The following ZNF638 variants were observed in gnomAD, a reference collection of about 807,000 sequenced individuals.
ZNF638 encodes zinc finger protein 638.
ZNF638 carries 46 observed loss-of-function variants against 195.6 expected under a neutral mutation model. The observed-to-expected ratio is 0.24, with a 90% CI of 0.19 to 0.30. ZNF638 has a LOEUF of 0.30. ZNF638 is among the 10% of genes least tolerant of loss of function. ZNF638 has a pLI of 1.00. For synonymous variants in ZNF638, 845 were observed against 772.0 expected, an observed-to-expected ratio of 1.09 and a Z score of -1.57; for missense variants, 2,440 against 2,325.3, an observed-to-expected ratio of 1.05 and a Z score of -1.01.
intron 22 of ZNF638, among the ~76,000 whole-genome samples, chr2:71,424,291 TAAAA>T (rs76683427): frequency 1.4e-5 from 2 of 138,014 alleles, no homozygotes; most frequent in South Asian, 2.3e-4. Context: ...AACTGTGGTT[TAAAA>T]AAAAAAAAAA....
At chr2:71,333,650 T>C (rs1450068036) in intron 1 of ZNF638, among the ~76,000 whole-genome samples, 1 of 152,214 alleles carries the variant, frequency 6.6e-6, no homozygotes, top group East Asian at 1.9e-4. Context: ...ACAAGTAGTT[T>C]AGTGGAAAGA....
intron 8 of ZNF638, among the ~76,000 whole-genome samples, chr2:71,371,982 G>A (rs2079322156): frequency 6.6e-6 from 1 of 152,128 alleles, no homozygotes; most frequent in Admixed American, 6.5e-5. Context: ...TATTTGCCCA[G>A]ACTGATGTCC....
intron 20 of ZNF638, among the ~76,000 whole-genome samples, chr2:71,411,564 C>T (rs867337438): frequency 2.3e-4 from 27 of 114,946 alleles, no homozygotes; most frequent in Middle Eastern, 4.2e-3. Flanking sequence ...CATGCTGGTG[C>T]GCTGCACCCA....
At chr2:71,410,094 A>C (rs2080182164) in intron 20 of ZNF638, among the ~76,000 whole-genome samples, 1 of 152,194 alleles carries the variant, frequency 6.6e-6, no homozygotes, top group Admixed American at 6.5e-5. Flanking sequence ...AGTATTATTG[A>C]GGAGAAGTCT....
chr2:71,410,946 C>T (rs115268145), intron 20 of ZNF638, among the ~76,000 whole-genome samples: 81 of 135,354 alleles, frequency 6.0e-4, no homozygotes, highest in African/African-American at 2.2e-3. Context: ...CTGCATCCTG[C>T]TTTTAGAGCA....
chr2:71,334,660 A>T (rs1029100142), intron 1 of ZNF638: 3 of 152,580 alleles, frequency 2.0e-5, no homozygotes, highest in South Asian at 2.1e-4. Flanking sequence ...GCGGTGGCTC[A>T]TGCCTGTAAT....
chr2:71,433,074 G>A, intron 26 of ZNF638, 91 bp from the exon 27 acceptor site: 1 of 1,050,738 alleles, frequency 9.5e-7, no homozygotes, highest in South Asian at 1.4e-5. Context: ...ATGACAGAGT[G>A]AGACTCCGTC....
At chr2:71,405,512 T>G in intron 17 of ZNF638, 89 bp from the exon 18 acceptor site, 1 of 799,562 alleles carries the variant, frequency 1.3e-6, no homozygotes, top group African/African-American at 1.8e-5. Flanking sequence ...CATATTTGTA[T>G]AGATTGTCAT....
intron 23 of ZNF638, among the ~76,000 whole-genome samples, chr2:71,425,970 A>G (rs2080531408): frequency 6.6e-6 from 1 of 152,164 alleles, no homozygotes; most frequent in Non-Finnish European, 1.5e-5. Flanking sequence ...TTCTTAAAAT[A>G]TGTATTCTAT....
chr2:71,395,702 C>T (rs1250225240), intron 10 of ZNF638: 3 of 454,080 alleles, frequency 6.6e-6, no homozygotes, highest in Non-Finnish European at 8.4e-6. Context: ...GGGCTGCATT[C>T]TCTCTTTGGT....
At chr2:71,388,191 GAAT>G (rs1454854137) in intron 10 of ZNF638, among the ~76,000 whole-genome samples, 1 of 152,204 alleles carries the variant, frequency 6.6e-6, no homozygotes, top group Non-Finnish European at 1.5e-5. Flanking sequence ...CTTCGGGAGA[GAAT>G]AAAGGCTGAA....
At chr2:71,362,972 G>A (rs367923970) in intron 3 of ZNF638, among the ~76,000 whole-genome samples, 181 bp from the exon 4 acceptor site, 34 of 152,106 alleles carry the variant, frequency 2.2e-4, no homozygotes, top group South Asian at 8.3e-4. Flanking sequence ...AGTATGGGGA[G>A]TGTGTTTCCC....
intron 8 of ZNF638, among the ~76,000 whole-genome samples, chr2:71,372,099 T>G (rs1380657478): frequency 6.6e-6 from 1 of 152,102 alleles, no homozygotes; most frequent in Non-Finnish European, 1.5e-5. Context: ...TGGTGAGAGA[T>G]AGGGTTCAGG....
intron 8 of ZNF638, among the ~76,000 whole-genome samples, chr2:71,378,908 T>C (rs2079484929): frequency 6.6e-6 from 1 of 152,084 alleles, no homozygotes. Context: ...TGAAGAAGTA[T>C]AGGAAGGAAG....
At chr2:71,424,148 C>T in intron 22 of ZNF638, 110 bp downstream of exon 22, 1 of 1,401,254 alleles carries the variant, frequency 7.1e-7, no homozygotes, top group South Asian at 1.5e-5. Flanking sequence ...TCTCCTCACT[C>T]TACCCCGGAA....
At chr2:71,336,372 C>CAAAAAAAA (rs66593443) in intron 1 of ZNF638, among the ~76,000 whole-genome samples, 3 of 105,554 alleles carry the variant, frequency 2.8e-5, no homozygotes, top group Non-Finnish European at 3.8e-5. Flanking sequence ...ATTCCATCTC[C>CAAAAAAAA]AAAAAAAAAA....
chr2:71,343,972 TAAAAATAATC>T, intron 1 of ZNF638, among the ~76,000 whole-genome samples: 1 of 143,118 alleles, frequency 7.0e-6, no homozygotes, highest in Non-Finnish European at 1.6e-5. Context: ...CTACTAAAAA[TAAAAATAATC>T]AGCCGGGTGT....
At chr2:71,334,283 TTAA>T (rs1435015188) in intron 1 of ZNF638, among the ~76,000 whole-genome samples, 1 of 152,216 alleles carries the variant, frequency 6.6e-6, no homozygotes, top group African/African-American at 2.4e-5. Flanking sequence ...GTCCAAATCC[TTAA>T]TAAAATGCCT....
intron 1 of ZNF638, among the ~76,000 whole-genome samples, chr2:71,346,125 T>C (rs915357888): frequency 2.0e-5 from 3 of 152,226 alleles, no homozygotes; most frequent in African/African-American, 7.2e-5. Context: ...CTGATTGAAA[T>C]TTGTTCTTTT....
Sources: allele counts gnomAD v4.1 joint callset (sites outside exome capture counted in the v4.1 genomes callset), GRCh38; gene constraint gnomAD v4.1.1; transcripts MANE v1.5; gene names NCBI Gene and HGNC (gene_info 2026-07-23, HGNC 2026-07-21).